Variants in CDYL observed in about 807,000 individuals in gnomAD.
CDYL encodes the protein chromodomain Y like, also known as chromodomain Y-like protein.
In CDYL, 8 loss-of-function variants were observed where a neutral mutation model predicts 47.3. The ratio of observed to expected loss-of-function variants is 0.17; its 90% CI spans 0.10 to 0.31. The LOEUF (loss-of-function observed/expected upper bound fraction) is 0.31. Among genes scored for constraint, CDYL ranks in the 10% least tolerant of loss-of-function variants. The pLI is 1.00. For synonymous variants in CDYL, 266 were observed against 265.0 expected, an observed-to-expected ratio of 1.00 and a Z score of -0.04; for missense variants, 471 against 701.4, an observed-to-expected ratio of 0.67 and a Z score of 3.71.
chr6:4,924,497 A>G (rs1757808344), intron 2 of CDYL, among the ~76,000 whole-genome samples: 1 of 152,098 alleles, frequency 6.6e-6, no homozygotes. Flanking sequence ...CTCTGTTCTC[A>G]GGTTTTTCTT....
intron 3 of CDYL, among the ~76,000 whole-genome samples, chr6:4,758,249 G>T (rs962975278): frequency 6.6e-6 from 1 of 151,748 alleles, no homozygotes; most frequent in Non-Finnish European, 1.5e-5. Context: ...TGAAGTAGGA[G>T]AATCACTTGA....
In CDYL at chr6:4,949,144, C is replaced by T. The variant is rs140478427; in HGVS notation, c.1333-3122C>T. ...GCTACGTAAATCAGCCAAGGAGTCT[C>T]TTCCAGTTTAGCCTTCCTGGTGCCC... On this transcript the variant is annotated intron_variant, in intron 5 of 6. Coordinates refer to ENST00000397588, the MANE Select transcript of CDYL (RefSeq NM_004824.4). Among the ~76,000 whole-genome samples, 5 of 152,402 alleles carry T rather than the reference C, an allele frequency of 3.3e-5. No homozygotes were observed. In the East Asian group the frequency reaches 9.6e-4, roughly 29 times the overall value.
intron 2 of CDYL, among the ~76,000 whole-genome samples, chr6:4,918,378 CCT>C (rs1491226375): frequency 6.7e-5 from 10 of 149,804 alleles, no homozygotes; most frequent in South Asian, 4.3e-4. Context: ...TGCCCCCCCC[CCT>C]TTTTTTTGGC....
At position 4,820,713 on chromosome 6, in the gene CDYL, G is replaced by A. The variant is rs769640961; in HGVS notation, c.24+43906G>A. On this transcript the variant is annotated intron_variant, in intron 1 of 6. Coordinates refer to ENST00000397588, the MANE Select transcript of CDYL (RefSeq NM_004824.4). ...AGGACCAAATTAAACCAGTTCCCTT[G>A]TGAGTGCACTGGGAAGTGATTGGAA... 2.1e-4 allele frequency among the ~76,000 whole-genome samples: 32 copies of A among 152,216 alleles called. 1 individual carries two copies. The highest frequency in any genetic ancestry group is 4.0e-4 in the Non-Finnish European group (27 of 68,036).
At chr6:4,730,913 T>A (rs1352096692) in intron 2 of CDYL, among the ~76,000 whole-genome samples, 1 of 152,192 alleles carries the variant, frequency 6.6e-6, no homozygotes, top group Non-Finnish European at 1.5e-5. Flanking sequence ...TTTTAACACC[T>A]ATTTAGCAAA....
In CDYL at chr6:4,747,813, C is replaced by G. The variant is rs117485646; in HGVS notation, c.186+12969C>G. On this transcript the variant is annotated intron_variant, in intron 3 of 8. Transcript: ENST00000328908. ...CCAATACCCCAGGGAAGCTTTCCCACAGGAATCATTAGGGACTTCTTCACC... is the reference window on the plus strand; with the variant it reads ...CCAATACCCCAGGGAAGCTTTCCCAGAGGAATCATTAGGGACTTCTTCACC... Among the ~76,000 whole-genome samples, 17 of 152,328 alleles carry G rather than the reference C, an allele frequency of 1.1e-4. No individual in the cohort carries two copies. In the South Asian group the frequency reaches 1.5e-3, roughly 13 times the overall value.
chr6:4,781,649 G>A (rs1208457836), intron 1 of CDYL, among the ~76,000 whole-genome samples: 3 of 152,006 alleles, frequency 2.0e-5, no homozygotes, highest in Non-Finnish European at 2.9e-5. Context: ...CCAGAATAGC[G>A]TTTTTTTCAT....
intron 3 of CDYL, among the ~76,000 whole-genome samples, chr6:4,757,716 G>A (rs572681005): frequency 6.6e-6 from 1 of 152,106 alleles, no homozygotes; most frequent in Non-Finnish European, 1.5e-5. Context: ...TGAAGAAAAG[G>A]CATTGTGTAA....
chr6:4,943,582 C>T lies in CDYL; in HGVS notation c.1158C>T (p.Pro386=). Residue 386 remains proline, a synonymous_variant, in exon 5 of 7, where the codon CCC becomes CCT. Transcript: ENST00000397588. The part of the protein sequence containing the change: ...FVNTFIQFKK[P]IIVAVNGPAI... Reference sequence around the variant, plus strand: ...ATACTTTCATTCAATTTAAGAAGCCCATTATTGTAGCAGTCAATGGCCCAG... The same window carrying T: ...ATACTTTCATTCAATTTAAGAAGCCTATTATTGTAGCAGTCAATGGCCCAG... 6.2e-7 allele frequency: 1 copy of T among 1,610,440 alleles called. No homozygotes were observed. The highest frequency in any genetic ancestry group is 2.2e-5 in the East Asian group (1 of 44,772).
At chr6:4,894,966 T>C (rs145705073) in intron 2 of CDYL, among the ~76,000 whole-genome samples, 3,205 of 150,192 alleles carry the variant, frequency 0.021, 49 homozygotes, top group South Asian at 0.04. Flanking sequence ...TATATACGTA[T>C]GTGTATATGT....
intron 1 of CDYL, among the ~76,000 whole-genome samples, chr6:4,855,957 G>A (rs916477099): frequency 4.6e-5 from 7 of 152,168 alleles, no homozygotes; most frequent in East Asian, 1.9e-4. Flanking sequence ...TGTTGCCAAG[G>A]TTGATTCTGG....
chr6:4,717,727 A>ATTT (rs1757293301), intron 2 of CDYL, among the ~76,000 whole-genome samples: 1 of 149,530 alleles, frequency 6.7e-6, no homozygotes, highest in African/African-American at 2.4e-5. Context: ...AAAAAAAAAA[A>ATTT]AAAAAAAAAA....
At chr6:4,793,385 G>A (rs1166135267) in intron 1 of CDYL, among the ~76,000 whole-genome samples, 1 of 152,144 alleles carries the variant, frequency 6.6e-6, no homozygotes, top group East Asian at 1.9e-4. Context: ...GAAGCAATCA[G>A]GGAGAGCTTC....
At chr6:4,789,116 C>T (rs1050997059) in intron 1 of CDYL, among the ~76,000 whole-genome samples, 5 of 152,168 alleles carry the variant, frequency 3.3e-5, no homozygotes, top group African/African-American at 1.2e-4. Flanking sequence ...TGCTCTGTTG[C>T]CCAGGCTGGA....
At chr6:4,810,366 C>T (rs896940640) in intron 1 of CDYL, among the ~76,000 whole-genome samples, 1 of 152,104 alleles carries the variant, frequency 6.6e-6, no homozygotes, top group Non-Finnish European at 1.5e-5. Context: ...GTTGTTTGAT[C>T]CTCATGGTAC....
In CDYL at chr6:4,843,355, G is replaced by T. The variant is rs147655395; in HGVS notation, c.25-48358G>T. ...TTCTTTGAGCTTCTCGTATTTGGAT[G>T]TCTAGATCTCTGTCTAGCAAGGCCG... On this transcript the variant is annotated intron_variant, in intron 1 of 6. Transcript: ENST00000397588. Among the ~76,000 whole-genome samples, 27 of 152,156 alleles carry T rather than the reference G, an allele frequency of 1.8e-4. No individual in the cohort carries two copies. In the East Asian group the frequency reaches 5.2e-3, roughly 29 times the overall value.
At chr6:4,755,233 T>C (rs970272624) in intron 3 of CDYL, among the ~76,000 whole-genome samples, 1 of 151,796 alleles carries the variant, frequency 6.6e-6, no homozygotes, top group Admixed American at 6.6e-5. Context: ...CCTAATTTTT[T>C]TTTTTTTTTG....
At chr6:4,759,130 G>A (rs573428868) in intron 3 of CDYL, among the ~76,000 whole-genome samples, 28 of 151,804 alleles carry the variant, frequency 1.8e-4, no homozygotes, top group African/African-American at 6.8e-4. Context: ...CACCACACCT[G>A]GCTAATTTTT....
At chr6:4,884,436 T>C (rs1026571859) in intron 1 of CDYL, among the ~76,000 whole-genome samples, 7 of 152,168 alleles carry the variant, frequency 4.6e-5, no homozygotes, top group Non-Finnish European at 8.8e-5. Flanking sequence ...TGTATTAGAT[T>C]GATCAGAGTA....
Sources: gnomAD v4.1 joint callset for allele counts (sites outside exome capture counted in the v4.1 genomes callset) on GRCh38, gnomAD v4.1.1 for gene constraint, MANE v1.5 for transcripts, NCBI Gene and HGNC (gene_info 2026-07-23, HGNC 2026-07-21) for gene names.